SNX12: variants seen among roughly 807,000 people sequenced by gnomAD.
The protein encoded by SNX12 is sorting nexin-12.
For synonymous variants in SNX12, 47 were observed against 56.0 expected (o/e 0.84, Z 0.71); for missense variants, 62 against 141.3 (o/e 0.44, Z 2.84).
intron 1 of SNX12, among the ~76,000 whole-genome samples, chrX:71,067,940 G>C (rs754885249): frequency 7.1e-4 from 78 of 110,583 alleles, no homozygotes; most frequent in African/African-American, 2.5e-3. Context: ...ATCCCCGTCC[G>C]ATGTCTCCCT....
chrX:71,066,836 C>G (rs1462219992), intron 1 of SNX12, among the ~76,000 whole-genome samples: 3 of 111,099 alleles, frequency 2.7e-5, no homozygotes, highest in Admixed American at 1.9e-4. Context: ...TCACATAGTT[C>G]TTATATAGAC....
chrX:71,071,628 T>C (rs1602274745), upstream of SNX12, among the ~76,000 whole-genome samples: 1 of 62,560 alleles, frequency 1.6e-5, no homozygotes, highest in African/African-American at 6.9e-5. Context: ...ATAATATTTA[T>C]ATATTTATAT....
chrX:71,071,566 T>TAC (rs1569477463), upstream of SNX12, among the ~76,000 whole-genome samples: 5 of 48,450 alleles, frequency 1.0e-4, no homozygotes, highest in African/African-American at 8.3e-4. Flanking sequence ...ATATAATATT[T>TAC]ATATATTATA....
intron 3 of SNX12, among the ~76,000 whole-genome samples, chrX:71,061,396 C>T (rs1258605746): frequency 8.9e-6 from 1 of 112,124 alleles, no homozygotes; most frequent in Admixed American, 9.5e-5. Context: ...GTTTTACTGT[C>T]CAGTCAGCCC....
intron 1 of SNX12, among the ~76,000 whole-genome samples, chrX:71,066,860 G>A (rs1262283683): frequency 9.0e-6 from 1 of 111,446 alleles, no homozygotes; most frequent in African/African-American, 3.3e-5. Context: ...TGTTTCTCAT[G>A]TTTTGCTATT....
chrX:71,071,964 G>A (rs1161076703), upstream of SNX12, among the ~76,000 whole-genome samples: 1 of 109,475 alleles, frequency 9.1e-6, no homozygotes, highest in Admixed American at 1.0e-4. Context: ...GCACAGAAAA[G>A]AACAGCTTGT....
At chrX:71,071,572 T>TTA (rs761802082), upstream of SNX12, among the ~76,000 whole-genome samples, 1 of 47,153 alleles carries the variant, frequency 2.1e-5, no homozygotes, top group Non-Finnish European at 2.9e-5. Flanking sequence ...TATTTATATA[T>TTA]TATATATATA....
At chrX:71,069,392 T>C, upstream of SNX12, among the ~76,000 whole-genome samples, 1 of 112,368 alleles carries the variant, frequency 8.9e-6, no homozygotes, top group East Asian at 2.8e-4. Flanking sequence ...TGCTAAACAC[T>C]AAAATCCTGG....
rs1350939682 is a variant in SNX12 at position 71,062,884 on chromosome X, CCACT to C, written c.227_230del (p.Glu76GlyfsTer2). 8.3e-7 allele frequency: 1 copy of C among 1,207,689 alleles called. No individual in the cohort carries two copies. Among genetic ancestry groups the C allele is most frequent in the Non-Finnish European group, 1.1e-6 (1 of 892,326 alleles). Reference sequence around the variant, plus strand: ...TATCTCTCTCCAGCTCATTTTTCAGCCACTCAAAGTCACTGTAGCGCCGCCGTAC... The same window carrying C: ...TATCTCTCTCCAGCTCATTTTTCAGCCAAAGTCACTGTAGCGCCGCCGTAC... On this transcript the variant is annotated frameshift_variant, in exon 2 of 4. Transcript: ENST00000374274. LOFTEE classifies it high-confidence loss of function.
intron 1 of SNX12, among the ~76,000 whole-genome samples, chrX:71,065,099 G>A (rs919387547): frequency 2.7e-5 from 3 of 112,490 alleles, no homozygotes; most frequent in African/African-American, 9.7e-5. Context: ...GGCTGGATGC[G>A]GTGGCTCACG....
At chrX:71,069,707 G>A (rs181744718), upstream of SNX12, among the ~76,000 whole-genome samples, 7 of 111,773 alleles carry the variant, frequency 6.3e-5, no homozygotes, top group Admixed American at 3.8e-4. Context: ...TTGGGAGGCC[G>A]AGGCAGGCAG....
chrX:71,060,344 C>G lies in SNX12; in HGVS notation c.*672G>C, dbSNP rs1192622224. The G allele has an allele frequency of 9.0e-6, 1 of 111,512 alleles. No homozygotes were observed. 9.2% of individuals were successfully genotyped at this position (111,512 alleles called of 1,213,427 possible). A position where few individuals can be genotyped will look rare whatever the true frequency, so the allele number is the denominator to read the frequency against. On this transcript the variant is annotated 3_prime_UTR_variant, in exon 4 of 4. Transcript: ENST00000374274. The stretch of plus-strand genomic sequence containing the variant: ...AGGGAGAGGGGCTAGGCAATAGGAG[C>G]TCCCCTACTGCCCTATGGCTTTCTT...
chrX:71,072,906 TACACAC>T (rs59544159), upstream of SNX12, among the ~76,000 whole-genome samples: 6 of 101,418 alleles, frequency 5.9e-5, no homozygotes, highest in African/African-American at 1.1e-4. Context: ...CTGGCTTCCA[TACACAC>T]ACACACACAC....
intron 2 of SNX12, among the ~76,000 whole-genome samples, 189 bp from the exon 3 acceptor site, chrX:71,062,156 G>A (rs933143327): frequency 1.8e-5 from 2 of 111,145 alleles, no homozygotes; most frequent in East Asian, 2.8e-4. Context: ...GTTTCTGTGG[G>A]AAGACAGGTT....
In SNX12 at chrX:71,060,629, T is replaced by C. The variant is rs2092127428; in HGVS notation, c.*387A>G. 6.9e-6 allele frequency: 1 copy of C among 145,972 alleles called. No individual in the cohort carries two copies. Among genetic ancestry groups the C allele is most frequent in the African/African-American group, 3.1e-5 (1 of 32,098 alleles). The allele number at this position is 145,972 out of a possible 1,213,427, so 12.0% of individuals were successfully genotyped here. On this transcript the variant is annotated 3_prime_UTR_variant, in exon 4 of 4. Transcript: ENST00000374274. ...GTTTTTCCCTGCTCAGTGTTCTTGG[T>C]TAAACCTAAGAGTAAGAAAAATCCC...
chrX:71,068,012 T>C (rs899531409), intron 1 of SNX12, 130 bp downstream of exon 1: 10 of 566,204 alleles, frequency 1.8e-5, no homozygotes, highest in Non-Finnish European at 2.7e-5. Flanking sequence ...AAGCCTATTA[T>C]ACCCCTAACC....
rs2092139900 is a variant in SNX12, at chrX:71,063,497, A to T, written c.166-548T>A. 3.0e-5 allele frequency among the ~76,000 whole-genome samples: 3 copies of T among 101,339 alleles called. No individual in the cohort carries two copies. The South Asian group carries it at 1.3e-3, about 44-fold the overall frequency. 88.0% of individuals were successfully genotyped at this position (101,339 alleles called of 115,157 possible). A position where few individuals can be genotyped will look rare whatever the true frequency, so the allele number is the denominator to read the frequency against. On this transcript the variant is annotated intron_variant, in intron 1 of 3. Transcript: ENST00000374274. ...GAGAGACAGAGTGAGATTCTGTCTCAAAAAAAAAAAAAAGAGTTTCACTGC... is the reference window on the plus strand; with the variant it reads ...GAGAGACAGAGTGAGATTCTGTCTCTAAAAAAAAAAAAAGAGTTTCACTGC...
intron 2 of SNX12, among the ~76,000 whole-genome samples, chrX:71,062,299 G>A (rs1244688534): frequency 1.9e-5 from 2 of 106,642 alleles, no homozygotes; most frequent in African/African-American, 3.4e-5. Flanking sequence ...GAATTAAGTT[G>A]TACAACTTTA....
chrX:71,072,325 G>A (rs558721264), upstream of SNX12, among the ~76,000 whole-genome samples: 11 of 110,060 alleles, frequency 1.0e-4, no homozygotes, highest in South Asian at 3.8e-3. Flanking sequence ...TAGGAAGAGA[G>A]CCAGAAGACA....
Sources: allele counts gnomAD v4.1 joint callset (sites outside exome capture counted in the v4.1 genomes callset), GRCh38; gene constraint gnomAD v4.1.1; transcripts MANE v1.5; gene names NCBI Gene and HGNC (gene_info 2026-07-23, HGNC 2026-07-21).